NOVA1: variants seen among roughly 807,000 people sequenced by gnomAD.
NOVA1 encodes the protein RNA-binding protein Nova-1.
A neutral mutation model predicts 38.0 loss-of-function variants in NOVA1; 7 were observed. That is an observed-to-expected ratio of 0.18 (90% CI 0.10 to 0.35). The LOEUF (loss-of-function observed/expected upper bound fraction) is 0.35. Among genes scored for constraint, NOVA1 ranks in the 10% least tolerant of loss-of-function variants. NOVA1 has a pLI of 1.00. For missense variants in NOVA1, 460 were observed against 616.0 expected (o/e 0.75, Z 2.68); for synonymous variants, 270 against 232.5 (o/e 1.16, Z -1.47).
chr14:26,567,189 G>C (rs1017641345), intron 2 of NOVA1, among the ~76,000 whole-genome samples: 2 of 151,172 alleles, frequency 1.3e-5, no homozygotes, highest in Non-Finnish European at 2.9e-5. Context: ...AAATAATGTA[G>C]AGTATAATCA....
At chr14:26,555,128 T>C (rs1202276756) in intron 2 of NOVA1, among the ~76,000 whole-genome samples, 1 of 152,074 alleles carries the variant, frequency 6.6e-6, no homozygotes, top group Non-Finnish European at 1.5e-5. Flanking sequence ...AGGAACACTT[T>C]CAATATTCAT....
intron 2 of NOVA1, among the ~76,000 whole-genome samples, chr14:26,537,429 A>G (rs1890179148): frequency 6.6e-6 from 1 of 152,166 alleles, no homozygotes; most frequent in South Asian, 2.1e-4. Flanking sequence ...ATATTGGTAA[A>G]TGGAAGATCT....
At chr14:26,585,230 G>T (rs908877925) in intron 2 of NOVA1, among the ~76,000 whole-genome samples, 12 of 151,182 alleles carry the variant, frequency 7.9e-5, no homozygotes, top group African/African-American at 2.9e-4. Context: ...TAAAGACTCC[G>T]AAATATCCCA....
chr14:26,498,306 T>C (rs903907676), intron 2 of NOVA1, among the ~76,000 whole-genome samples: 5 of 152,020 alleles, frequency 3.3e-5, no homozygotes, highest in African/African-American at 9.6e-5. Flanking sequence ...AACCTCGTGA[T>C]CCGCCCGCCT....
At chr14:26,528,778 C>T (rs1217242499) in intron 2 of NOVA1, among the ~76,000 whole-genome samples, 6 of 152,130 alleles carry the variant, frequency 3.9e-5, no homozygotes, top group Non-Finnish European at 8.8e-5. Context: ...TCCCTTTAGC[C>T]GAATCCTACT....
chr14:26,597,201 G>C, intron 1 of NOVA1, 100 bp downstream of exon 1: 1 of 1,087,052 alleles, frequency 9.2e-7, no homozygotes, highest in Non-Finnish European at 1.2e-6. Context: ...TCCGGGCCGC[G>C]GGAGGGAGGG....
At chr14:26,585,144 TCAAA>T (rs1893441972) in intron 2 of NOVA1, among the ~76,000 whole-genome samples, 1 of 151,386 alleles carries the variant, frequency 6.6e-6, no homozygotes, top group South Asian at 2.1e-4. Context: ...ATGATAAAAA[TCAAA>T]CAATGTATTA....
intron 2 of NOVA1, among the ~76,000 whole-genome samples, chr14:26,523,898 C>A (rs1474130970): frequency 1.3e-5 from 2 of 151,762 alleles, no homozygotes; most frequent in African/African-American, 4.8e-5. Flanking sequence ...CTACAGGCGC[C>A]CGACACCATG....
chr14:26,596,768 CGG>C, intron 1 of NOVA1: 1 of 1,246,706 alleles, frequency 8.0e-7, no homozygotes, highest in African/African-American at 1.5e-5. Flanking sequence ...AATCTAAGTG[CGG>C]TAAGGGCATG....
chr14:26,565,468 C>A (rs1333375631), intron 2 of NOVA1, among the ~76,000 whole-genome samples: 2 of 152,072 alleles, frequency 1.3e-5, no homozygotes, highest in Non-Finnish European at 2.9e-5. Flanking sequence ...TACAGTCCAC[C>A]ACTCTCTTTC....
intron 2 of NOVA1, among the ~76,000 whole-genome samples, chr14:26,587,329 A>AG (rs1893586204): frequency 6.6e-6 from 1 of 150,398 alleles, no homozygotes; most frequent in Non-Finnish European, 1.5e-5. Flanking sequence ...AAAAACAAAA[A>AG]TCTAAGGAGA....
chr14:26,482,625 CGA>C (rs898358072), intron 2 of NOVA1, among the ~76,000 whole-genome samples: 20 of 152,060 alleles, frequency 1.3e-4, no homozygotes, highest in Non-Finnish European at 2.8e-4. Context: ...ACACTAGCAA[CGA>C]GAGGTGAAAA....
At chr14:26,554,819 T>C (rs995724885) in intron 2 of NOVA1, among the ~76,000 whole-genome samples, 1 of 152,304 alleles carries the variant, frequency 6.6e-6, no homozygotes, top group East Asian at 1.9e-4. Flanking sequence ...TTCTTATTTA[T>C]TATTCTTAGG....
intron 2 of NOVA1, among the ~76,000 whole-genome samples, chr14:26,584,510 C>A (rs1316152284): frequency 4.0e-5 from 6 of 151,282 alleles, no homozygotes; most frequent in South Asian, 2.1e-4. Context: ...TATTTTTCAG[C>A]CAGTCTTTTC....
chr14:26,480,394 A>G (rs1885364461), intron 2 of NOVA1, among the ~76,000 whole-genome samples: 1 of 152,176 alleles, frequency 6.6e-6, no homozygotes, highest in East Asian at 1.9e-4. Flanking sequence ...AGTTGTGAAC[A>G]TATCACTGAT....
chr14:26,547,507 G>A (rs1278101588), intron 2 of NOVA1, among the ~76,000 whole-genome samples: 1 of 151,956 alleles, frequency 6.6e-6, no homozygotes, highest in African/African-American at 2.4e-5. Context: ...GCTAAATATT[G>A]AATCAAGTAA....
intron 2 of NOVA1, among the ~76,000 whole-genome samples, chr14:26,543,307 C>T (rs1890585992): frequency 6.6e-6 from 1 of 151,910 alleles, no homozygotes. Context: ...AATTACTTAA[C>T]AATTTTATAA....
intron 2 of NOVA1, among the ~76,000 whole-genome samples, chr14:26,523,721 T>C (rs974872749): frequency 6.6e-6 from 1 of 152,050 alleles, no homozygotes; most frequent in African/African-American, 2.4e-5. Context: ...TCTTTTTTTT[T>C]TCTTTTTTTT....
chr14:26,558,557 G>T (rs542225471), intron 2 of NOVA1, among the ~76,000 whole-genome samples: 168 of 152,112 alleles, frequency 1.1e-3, no homozygotes, highest in African/African-American at 3.5e-3. Flanking sequence ...AAGGATTTAG[G>T]ATAATTACAT....
Sources: allele counts gnomAD v4.1 joint callset (sites outside exome capture counted in the v4.1 genomes callset), GRCh38; gene constraint gnomAD v4.1.1; transcripts MANE v1.5; gene names NCBI Gene and HGNC (gene_info 2026-07-23, HGNC 2026-07-21).